Variants in LIPI observed in about 807,000 individuals in gnomAD.
The protein encoded by LIPI is lipase member I.
In LIPI, 59 loss-of-function variants were observed where a neutral mutation model predicts 50.6. The observed-to-expected ratio is 1.16, with a 90% CI of 0.94 to 1.45. The LOEUF is 1.45. Ranked by LOEUF, LIPI falls within the 40% of genes most tolerant of loss-of-function variation. The pLI is 0.00. For synonymous variants in LIPI, 203 were observed against 178.2 expected (o/e 1.14, Z -1.11); for missense variants, 586 against 536.3 (o/e 1.09, Z -0.92).
At chr21:14,127,679 C>T (rs1304155344) in intron 9 of LIPI, among the ~76,000 whole-genome samples, 1 of 151,980 alleles carries the variant, frequency 6.6e-6, no homozygotes, top group Non-Finnish European at 1.5e-5. Context: ...ATGGACAGAC[C>T]TGTTTGTCTT....
chr21:14,206,988 C>G, intron 1 of LIPI: 1 of 1,096,894 alleles, frequency 9.1e-7, no homozygotes, highest in Non-Finnish European at 1.4e-6. Context: ...AAGGAAGACC[C>G]TTTTGGGCCA....
chr21:14,204,476 G>A (rs968515555), intron 1 of LIPI, among the ~76,000 whole-genome samples: 1 of 151,950 alleles, frequency 6.6e-6, no homozygotes, highest in African/African-American at 2.4e-5. Flanking sequence ...TAATTTATAT[G>A]TGCAGTGCAA....
At chr21:14,195,688 G>C (rs913171126) in intron 1 of LIPI, among the ~76,000 whole-genome samples, 5 of 152,122 alleles carry the variant, frequency 3.3e-5, no homozygotes, top group Admixed American at 3.3e-4. Flanking sequence ...AAAGGACACT[G>C]TTAAGAATAT....
intron 9 of LIPI, among the ~76,000 whole-genome samples, chr21:14,135,663 C>G (rs1475135287): frequency 1.3e-5 from 2 of 152,138 alleles, no homozygotes; most frequent in Non-Finnish European, 2.9e-5. Flanking sequence ...ACTTTAGTGT[C>G]AAGAAACCTG....
At chr21:14,204,903 T>C (rs1371847375) in intron 1 of LIPI, among the ~76,000 whole-genome samples, 1 of 151,812 alleles carries the variant, frequency 6.6e-6, no homozygotes, top group Non-Finnish European at 1.5e-5. Flanking sequence ...ATAGATTTCA[T>C]AGCACATACA....
At chr21:14,156,661 G>A (rs1568854833) in intron 7 of LIPI, among the ~76,000 whole-genome samples, 1 of 151,646 alleles carries the variant, frequency 6.6e-6, no homozygotes, top group Non-Finnish European at 1.5e-5. Flanking sequence ...TACAAATAAT[G>A]TGATATAGCT....
At chr21:14,112,673 A>T (rs1255957898) in intron 9 of LIPI, among the ~76,000 whole-genome samples, 2 of 152,108 alleles carry the variant, frequency 1.3e-5, no homozygotes, top group Admixed American at 6.5e-5. Flanking sequence ...TGAGAATGTT[A>T]TATTAATATT....
chr21:14,163,750 C>T (rs1051550488), intron 6 of LIPI, among the ~76,000 whole-genome samples: 3 of 151,880 alleles, frequency 2.0e-5, no homozygotes, highest in African/African-American at 7.2e-5. Context: ...CCCTGAAAAT[C>T]TTATCAGAGC....
At chr21:14,130,715 G>A (rs1461720482) in intron 9 of LIPI, among the ~76,000 whole-genome samples, 1 of 152,182 alleles carries the variant, frequency 6.6e-6, no homozygotes, top group Non-Finnish European at 1.5e-5. Flanking sequence ...AGGAGGGATG[G>A]AGAGATCAAG....
chr21:14,130,274 A>T (rs1244315376), intron 9 of LIPI, among the ~76,000 whole-genome samples: 5 of 152,084 alleles, frequency 3.3e-5, no homozygotes, highest in Non-Finnish European at 2.9e-5. Context: ...CTGGATGCGG[A>T]AGTTGCAGTG....
At chr21:14,185,640 G>A (rs2019425374) in intron 3 of LIPI, among the ~76,000 whole-genome samples, 2 of 152,174 alleles carry the variant, frequency 1.3e-5, no homozygotes, top group South Asian at 4.1e-4. Flanking sequence ...TACTTTGGAA[G>A]GCCGAGGCAG....
At chr21:14,150,164 T>G (rs1025950528) in intron 8 of LIPI, among the ~76,000 whole-genome samples, 1 of 152,176 alleles carries the variant, frequency 6.6e-6, no homozygotes, top group African/African-American at 2.4e-5. Flanking sequence ...CCTCAATTCT[T>G]GTCTTCTGCA....
intron 1 of LIPI, among the ~76,000 whole-genome samples, chr21:14,205,160 A>C (rs946278236): frequency 1.3e-5 from 2 of 151,786 alleles, no homozygotes; most frequent in African/African-American, 4.8e-5. Flanking sequence ...AAAATCAATA[A>C]ATTTTAATTA....
At chr21:14,115,108 G>A (rs565798615) in intron 9 of LIPI, among the ~76,000 whole-genome samples, 41 of 151,838 alleles carry the variant, frequency 2.7e-4, no homozygotes, top group Admixed American at 1.4e-3. Context: ...TCCGCACCCC[G>A]CTCCCCACCC....
chr21:14,152,727 A>G, intron 7 of LIPI, 43 bp from the exon 8 acceptor site: 3 of 1,062,296 alleles, frequency 2.8e-6, no homozygotes, highest in East Asian at 2.5e-5. Flanking sequence ...TTATTTTTTA[A>G]TTTTTGGTTT....
chr21:14,191,356 G>A (rs1223238170), intron 1 of LIPI, among the ~76,000 whole-genome samples: 17 of 130,018 alleles, frequency 1.3e-4, no homozygotes, highest in African/African-American at 4.4e-4. Context: ...CAGCCTGGGC[G>A]ACAGAGCAAG....
At chr21:14,120,328 G>C (rs1010537812) in intron 9 of LIPI, among the ~76,000 whole-genome samples, 4 of 152,184 alleles carry the variant, frequency 2.6e-5, no homozygotes, top group African/African-American at 9.6e-5. Context: ...GCTCTCACAA[G>C]AGCACTACTT....
At chr21:14,162,780 A>C (rs1179546940) in intron 7 of LIPI, among the ~76,000 whole-genome samples, 2 of 151,924 alleles carry the variant, frequency 1.3e-5, no homozygotes, top group African/African-American at 4.8e-5. Flanking sequence ...ATCTATTTTA[A>C]GTACTTATCT....
intron 4 of LIPI, among the ~76,000 whole-genome samples, chr21:14,181,468 G>T (rs1385037516): frequency 6.6e-6 from 1 of 152,026 alleles, no homozygotes; most frequent in African/African-American, 2.4e-5. Flanking sequence ...CAATAAAATT[G>T]TCAACAGCAT....
Sources: allele counts gnomAD v4.1 joint callset (sites outside exome capture counted in the v4.1 genomes callset), GRCh38; gene constraint gnomAD v4.1.1; transcripts MANE v1.5; gene names NCBI Gene and HGNC (gene_info 2026-07-23, HGNC 2026-07-21).